The following LYPD6B variants were observed in gnomAD, a reference collection of about 807,000 sequenced individuals.
LYPD6B encodes the protein LY6/PLAUR domain containing 6B, also known as ly6/PLAUR domain-containing protein 6B.
A neutral mutation model predicts 22.8 loss-of-function variants in LYPD6B; 17 were observed. The observed-to-expected ratio is 0.75, with a 90% CI of 0.51 to 1.12. The LOEUF is 1.12. Among genes scored for constraint, LYPD6B ranks in the 50% most tolerant of loss-of-function variants. The pLI is 0.00. For synonymous variants in LYPD6B, 106 were observed against 91.6 expected (o/e 1.16, Z -0.90); for missense variants, 221 against 258.3 (o/e 0.86, Z 0.99).
At chr2:149,187,540 C>T (rs1355593730) in intron 3 of LYPD6B, 18 of 1,459,322 alleles carry the variant, frequency 1.2e-5, no homozygotes, top group South Asian at 1.5e-5. Flanking sequence ...CGAGCAGGAT[C>T]TCAGGCAACG....
At chr2:149,043,535 A>G (rs1683182184) in intron 1 of LYPD6B, among the ~76,000 whole-genome samples, 2 of 152,178 alleles carry the variant, frequency 1.3e-5, no homozygotes, top group African/African-American at 4.8e-5. Context: ...TAATTTGGAT[A>G]TAAGTCTTGT....
At chr2:149,136,246 A>G (rs1688363380) in intron 2 of LYPD6B, among the ~76,000 whole-genome samples, 1 of 152,106 alleles carries the variant, frequency 6.6e-6, no homozygotes, top group Admixed American at 6.5e-5. Context: ...CAGAAGTTAC[A>G]TTTTTCTCCC....
intron 1 of LYPD6B, among the ~76,000 whole-genome samples, chr2:149,109,797 C>T (rs969149218): frequency 2.6e-5 from 4 of 151,880 alleles, no homozygotes; most frequent in Middle Eastern, 3.2e-3. Flanking sequence ...CTGCAAACTC[C>T]GCCTCCCAGG....
intron 1 of LYPD6B, among the ~76,000 whole-genome samples, chr2:149,125,367 C>G (rs1216808387): frequency 6.6e-6 from 1 of 152,200 alleles, no homozygotes; most frequent in Non-Finnish European, 1.5e-5. Context: ...CTTTCCTCTT[C>G]CTGGAGGGTT....
intron 1 of LYPD6B, among the ~76,000 whole-genome samples, chr2:149,058,251 C>A (rs761654981): frequency 6.6e-6 from 1 of 152,218 alleles, no homozygotes; most frequent in Non-Finnish European, 1.5e-5. Flanking sequence ...CTTGCACCAA[C>A]AACTGGGGTT....
chr2:149,054,066 A>G (rs1023256551), intron 1 of LYPD6B, among the ~76,000 whole-genome samples: 2 of 152,234 alleles, frequency 1.3e-5, no homozygotes, highest in Non-Finnish European at 2.9e-5. Context: ...GTAAGCATTC[A>G]TGTATAAGTG....
intron 1 of LYPD6B, among the ~76,000 whole-genome samples, chr2:149,060,022 G>T (rs1202457973): frequency 6.6e-6 from 1 of 151,862 alleles, no homozygotes; most frequent in African/African-American, 2.4e-5. Flanking sequence ...GGTAGGGAGG[G>T]AGAAGGAGGA....
At chr2:149,187,622 AT>A in intron 3 of LYPD6B, 1 of 1,103,386 alleles carries the variant, frequency 9.1e-7, no homozygotes, top group Non-Finnish European at 1.2e-6. Context: ...GAATAAACGT[AT>A]TTAGTAACTT....
intron 3 of LYPD6B, among the ~76,000 whole-genome samples, chr2:149,177,322 A>G (rs926278450): frequency 2.0e-5 from 3 of 152,208 alleles, no homozygotes; most frequent in African/African-American, 7.2e-5. Flanking sequence ...TTTCCATCAA[A>G]TATGTAGCCA....
chr2:149,186,555 C>G (rs950339096), intron 3 of LYPD6B, among the ~76,000 whole-genome samples: 3 of 152,164 alleles, frequency 2.0e-5, no homozygotes, highest in African/African-American at 7.2e-5. Flanking sequence ...TCCAGAAGAT[C>G]TAGCTAAGAT....
At chr2:149,188,342 T>C (rs1692263270) in intron 3 of LYPD6B, among the ~76,000 whole-genome samples, 1 of 152,174 alleles carries the variant, frequency 6.6e-6, no homozygotes, top group Non-Finnish European at 1.5e-5. Flanking sequence ...ACCTTGGATC[T>C]CTTCTAAACT....
intron 1 of LYPD6B, among the ~76,000 whole-genome samples, chr2:149,077,017 C>T (rs1328529306): frequency 1.3e-5 from 2 of 152,162 alleles, no homozygotes; most frequent in African/African-American, 4.8e-5. Context: ...GGGTTTGTAG[C>T]CCCGCAGCCC....
intron 1 of LYPD6B, among the ~76,000 whole-genome samples, chr2:149,055,796 C>T (rs959762235): frequency 6.6e-6 from 1 of 152,200 alleles, no homozygotes; most frequent in Non-Finnish European, 1.5e-5. Flanking sequence ...TTTCTACATA[C>T]AAGATCATGT....
chr2:149,096,780 G>A (rs946848101), intron 1 of LYPD6B, among the ~76,000 whole-genome samples: 5 of 152,076 alleles, frequency 3.3e-5, no homozygotes, highest in Admixed American at 1.3e-4. Context: ...CATTAGTTGC[G>A]GGTAGGTAAA....
chr2:149,064,680 C>T (rs1452823462), intron 1 of LYPD6B, among the ~76,000 whole-genome samples: 1 of 152,230 alleles, frequency 6.6e-6, no homozygotes, highest in African/African-American at 2.4e-5. Flanking sequence ...AGAATTCCCA[C>T]TGCATGTAAT....
intron 1 of LYPD6B, among the ~76,000 whole-genome samples, chr2:149,070,736 C>A (rs1574912392): frequency 6.6e-6 from 1 of 152,288 alleles, no homozygotes; most frequent in East Asian, 1.9e-4. Flanking sequence ...TTGAGGTGTT[C>A]TGGCAGGCTT....
At chr2:149,191,533 TTGTC>T (rs1361036705) in intron 3 of LYPD6B, among the ~76,000 whole-genome samples, 2 of 152,340 alleles carry the variant, frequency 1.3e-5, no homozygotes, top group Non-Finnish European at 2.9e-5. Flanking sequence ...TCTGTTTCAT[TTGTC>T]TGTCTGCTCA....
intron 1 of LYPD6B, among the ~76,000 whole-genome samples, chr2:149,060,312 T>G (rs750198278): frequency 7.4e-4 from 112 of 152,150 alleles, no homozygotes; most frequent in Non-Finnish European, 1.4e-3. Flanking sequence ...TGCTGTATCT[T>G]TAAAATAGGG....
chr2:149,202,131 T>A (rs1693200716), intron 3 of LYPD6B, among the ~76,000 whole-genome samples: 1 of 152,232 alleles, frequency 6.6e-6, no homozygotes, highest in African/African-American at 2.4e-5. Flanking sequence ...ATGTTCACTA[T>A]CATTTATATC....
Sources: gnomAD v4.1 joint callset for allele counts (sites outside exome capture counted in the v4.1 genomes callset) on GRCh38, gnomAD v4.1.1 for gene constraint, MANE v1.5 for transcripts, NCBI Gene and HGNC (gene_info 2026-07-23, HGNC 2026-07-21) for gene names.